Variants in ADGRB1 observed in about 807,000 individuals in gnomAD.
The protein encoded by ADGRB1 is brain-specific angiogenesis inhibitor 1.
A neutral mutation model predicts 175.7 loss-of-function variants in ADGRB1; 36 were observed. The ratio of observed to expected loss-of-function variants is 0.20; its 90% confidence interval spans 0.16 to 0.27. The LOEUF is 0.27. Among genes scored for constraint, ADGRB1 ranks in the 10% least tolerant of loss-of-function variants. The pLI, the probability that ADGRB1 is intolerant of heterozygous loss-of-function variation, is 1.00. For synonymous variants in ADGRB1, 1,054 were observed against 979.4 expected, an observed-to-expected ratio of 1.08 and a Z score of -1.42; for missense variants, 1,731 against 2,255.3, an observed-to-expected ratio of 0.77 and a Z score of 4.71.
intron 15 of ADGRB1, 86 bp downstream of exon 15, chr8:142,489,196 CA>C (rs1376857306): frequency 1.3e-6 from 2 of 1,548,100 alleles, no homozygotes; most frequent in African/African-American, 1.4e-5. Flanking sequence ...AGGGGGAGGC[CA>C]GGGGGCCTGG....
In ADGRB1 at chr8:142,516,736, G is replaced by T. The variant is rs376911998; in HGVS notation, c.2818-1402G>T. Among the ~76,000 whole-genome samples the T allele has an allele frequency of 1.7e-3, 264 of 152,104 alleles. 3 individuals carry two copies. Among genetic ancestry groups the T allele is most frequent in the African/African-American group, 5.8e-3 (239 of 41,436 alleles). ...GCGGGCCCCAGGTGTGTGTCTGTGT[G>T]TGGGTCCCAGGTGCGTGTGTCTGTG... On this transcript the variant is annotated intron_variant, in intron 18 of 30. Coordinates refer to ENST00000517894, the MANE Select transcript of ADGRB1 (RefSeq NM_001702.3).
intron 17 of ADGRB1, among the ~76,000 whole-genome samples, chr8:142,497,465 G>A (rs965828656): frequency 6.6e-6 from 1 of 152,110 alleles, no homozygotes; most frequent in Non-Finnish European, 1.5e-5. Context: ...TCCCACGCCG[G>A]CCGGTTCCTG....
rs552814167 is a variant in ADGRB1, at chr8:142,537,884, G to T, written c.3666+802G>T. Reference sequence around the variant, plus strand: ...CCTTGTGCCCCTGGGGCTCAGCCAGGACCGTAGTGGGCTCCTAGTCACCAA... The same window carrying T: ...CCTTGTGCCCCTGGGGCTCAGCCAGTACCGTAGTGGGCTCCTAGTCACCAA... On this transcript the variant is annotated intron_variant, in intron 26 of 30. Transcript: ENST00000517894. The surrounding 1 kb of genome is among the most constrained non-coding windows in gnomAD (Gnocchi z 4.6). Among the ~76,000 whole-genome samples the T allele has an allele frequency of 1.3e-5, 2 of 152,096 alleles. No individual in the cohort carries two copies. Among genetic ancestry groups the T allele is most frequent in the Non-Finnish European group, 2.9e-5 (2 of 67,994 alleles).
chr8:142,510,886 C>G lies in ADGRB1; in HGVS notation c.2676-46C>G, dbSNP rs1336910438. On this transcript the variant is annotated intron_variant, in intron 17 of 30. Transcript: ENST00000517894. This position sits in a 1 kb window ranked among gnomAD's most constrained non-coding sequence, Gnocchi z 6.3. ...GCCGGGGCGCCCGCGTCCCCGCCGCCGCTGACGCTCCGCCTGTCTCCCTCC... is the reference window on the plus strand; with the variant it reads ...GCCGGGGCGCCCGCGTCCCCGCCGCGGCTGACGCTCCGCCTGTCTCCCTCC... 1 of 1,017,876 alleles carries G rather than the reference C, an allele frequency of 9.8e-7. No individual in the cohort carries two copies. The highest frequency in any genetic ancestry group is 1.2e-6 in the Non-Finnish European group (1 of 847,198). The allele number at this position is 1,017,876 out of a possible 1,614,324, so 63.1% of individuals were successfully genotyped here.
At position 142,477,561 on chromosome 8, in the gene ADGRB1, G is replaced by A. The variant is rs768911776; in HGVS notation, c.1387+12G>A. 8.7e-6 allele frequency: 14 copies of A among 1,608,818 alleles called. No homozygotes were observed. The East Asian group carries it at 3.1e-4, about 36-fold the overall frequency. On this transcript the variant is annotated intron_variant, in intron 6 of 30. Transcript: ENST00000517894. ...TGCCCTGTGCCCTGGTAGGTGAGAG[G>A]GAGGGCGTAGGGGCAGGGAGGAAGG...
At chr8:142,525,826 T>G (rs1000787507) in intron 23 of ADGRB1, among the ~76,000 whole-genome samples, 2 of 151,844 alleles carry the variant, frequency 1.3e-5, no homozygotes, top group African/African-American at 4.8e-5. Context: ...TTCTGCAGAG[T>G]GGGGATGCAG....
intron 17 of ADGRB1, 123 bp downstream of exon 17, chr8:142,490,938 C>G (rs1048039006): frequency 1.6e-5 from 20 of 1,281,300 alleles, no homozygotes; most frequent in Non-Finnish European, 2.0e-5. Context: ...TCTGTGTACC[C>G]GCATGGGCCT....
In ADGRB1 at chr8:142,542,657, G is replaced by C. The variant is rs756905905; in HGVS notation, c.4413+10G>C. ...TGTGAGCTCCCTGGAGGTGAGGGGG[G>C]CAGGGGTGGGCCACACCCCAGCCAG... On this transcript the variant is annotated intron_variant, in intron 28 of 30. Transcript: ENST00000517894. This position sits in a 1 kb window ranked among gnomAD's most constrained non-coding sequence, Gnocchi z 6.3. The C allele has an allele frequency of 2.3e-5, 35 of 1,538,532 alleles. No individual in the cohort carries two copies. The highest frequency in any genetic ancestry group is 2.9e-5 in the Non-Finnish European group (33 of 1,141,986).
Position 142,474,022 on chromosome 8 carries a change from C to T in ADGRB1, c.785-1452C>T, listed in dbSNP as rs1230249347. ...TCTCATATCCTTTTTTGCTGTTTGA[C>T]TTCCCACTTGTCAGTCCTGGGAGGT... is the stretch of plus-strand genomic sequence containing the variant. On this transcript the variant is annotated intron_variant, in intron 2 of 30. Coordinates refer to ENST00000517894, the MANE Select transcript of ADGRB1 (RefSeq NM_001702.3). This position sits in a 1 kb window ranked among gnomAD's most constrained non-coding sequence, Gnocchi z 5.8. 1.3e-5 allele frequency among the ~76,000 whole-genome samples: 2 copies of T among 152,234 alleles called. No homozygotes were observed. Among genetic ancestry groups the T allele is most frequent in the Admixed American group, 1.3e-4 (2 of 15,288 alleles).
At chr8:142,533,539 C>G (rs1012033478) in intron 25 of ADGRB1, 73 bp downstream of exon 25, 10 of 1,468,240 alleles carry the variant, frequency 6.8e-6, no homozygotes, top group African/African-American at 1.4e-5. Flanking sequence ...CCTCCTTCCC[C>G]GAGGACCTCG....
chr8:142,454,173 A>G (rs1445316512), intron 1 of ADGRB1, among the ~76,000 whole-genome samples: 2 of 152,260 alleles, frequency 1.3e-5, no homozygotes, highest in Non-Finnish European at 2.9e-5. Flanking sequence ...CTGAGTGCAC[A>G]GCCTGTTGAG....
At chr8:142,458,466 C>T (rs1161785851) in intron 1 of ADGRB1, among the ~76,000 whole-genome samples, 1 of 152,100 alleles carries the variant, frequency 6.6e-6, no homozygotes, top group African/African-American at 2.4e-5. Flanking sequence ...AGGAGGGGTT[C>T]GTATATCATC....
intron 18 of ADGRB1, among the ~76,000 whole-genome samples, chr8:142,515,195 G>A (rs774349896): frequency 8.5e-5 from 13 of 152,312 alleles, no homozygotes; most frequent in East Asian, 1.9e-4. Flanking sequence ...CAGGGAAGGC[G>A]TGCAGGGCAG....
chr8:142,478,438 G>A (rs1841121022), intron 7 of ADGRB1, 78 bp downstream of exon 7: 1 of 1,432,518 alleles, frequency 7.0e-7, no homozygotes, highest in Non-Finnish European at 9.3e-7. Context: ...CCCCACAGCG[G>A]GTGGGGGTAA....
chr8:142,451,852 G>A (rs904599124), intron 1 of ADGRB1, among the ~76,000 whole-genome samples: 1 of 152,170 alleles, frequency 6.6e-6, no homozygotes, highest in Non-Finnish European at 1.5e-5. Context: ...CCCGGCTGCC[G>A]AGGAGGCAAC....
Position 142,539,394 on chromosome 8 carries a change from G to T in ADGRB1, c.3687G>T (p.Val1229=). The T allele has an allele frequency of 6.3e-7, 1 of 1,599,132 alleles. No individual in the cohort carries two copies. The highest frequency in any genetic ancestry group is 1.1e-5 in the South Asian group (1 of 88,130). ...AQLMTDFEKD[V]DLACRSVLNK... ...TACAGACCGACTTCGAGAAGGACGT[G>T]GATCTGGCCTGTAGATCAGGTGAGC... Residue 1229 remains valine (V), a synonymous_variant, in exon 27 of 31, where the codon GTG becomes GTT. Transcript: ENST00000517894.
chr8:142,469,683 G>T (rs1404487972), intron 2 of ADGRB1, among the ~76,000 whole-genome samples: 1 of 151,508 alleles, frequency 6.6e-6, no homozygotes, highest in Non-Finnish European at 1.5e-5. Flanking sequence ...ACGTGAATGT[G>T]TGTGAATGTG....
chr8:142,530,760 AG>A (rs1401420902), intron 24 of ADGRB1, among the ~76,000 whole-genome samples: 24 of 152,272 alleles, frequency 1.6e-4, no homozygotes, highest in Admixed American at 2.6e-4. Flanking sequence ...ATCAGAGAGA[AG>A]TGGGGGCCAG....
chr8:142,526,757 G>A, intron 24 of ADGRB1, 130 bp downstream of exon 24: 1 of 915,916 alleles, frequency 1.1e-6, no homozygotes, highest in South Asian at 1.5e-5. Flanking sequence ...GAGCGGGTGG[G>A]AAACGGAGGC....
Sources: allele counts gnomAD v4.1 joint callset (sites outside exome capture counted in the v4.1 genomes callset), GRCh38; gene constraint gnomAD v4.1.1; non-coding constraint Gnocchi (gnomAD v3.1); transcripts MANE v1.5; gene names NCBI Gene and HGNC (gene_info 2026-07-23, HGNC 2026-07-21).